The following FER1L6 variants were observed in gnomAD, a reference collection of about 807,000 sequenced individuals.
The protein encoded by FER1L6 is fer-1-like protein 6.
Under a neutral mutation model 219.2 loss-of-function variants are expected in FER1L6, and 177 were observed. That is an observed-to-expected ratio of 0.81 (90% CI 0.71 to 0.91). The LOEUF (loss-of-function observed/expected upper bound fraction) is 0.91. Among genes scored for constraint, FER1L6 ranks in the 40% least tolerant of loss-of-function variants. The pLI is 0.00. For missense variants in FER1L6, 2,153 were observed against 2,259.9 expected, an observed-to-expected ratio of 0.95 and a Z score of 0.96; for synonymous variants, 768 against 824.3, an observed-to-expected ratio of 0.93 and a Z score of 1.17.
intron 18 of FER1L6, among the ~76,000 whole-genome samples, chr8:124,025,967 A>G (rs1382077895): frequency 1.3e-5 from 2 of 152,212 alleles, no homozygotes; most frequent in Non-Finnish European, 2.9e-5. Context: ...AAATTAGAAG[A>G]AGGACAGAAC....
In FER1L6 at chr8:123,907,344, A is replaced by G. The variant is rs114932267; in HGVS notation, c.-7-48648A>G. Among the ~76,000 whole-genome samples, 1,042 of 152,228 alleles carry G rather than the reference A, an allele frequency of 6.8e-3. 10 individuals are homozygous for G. The highest frequency in any genetic ancestry group is 0.024 in the African/African-American group (987 of 41,554). ...GGGGCTATGACTTCATTCCATCAAC[A>G]GATCACACGGTCATAGCTGCTGCTA... On this transcript the variant is annotated intron_variant, in intron 1 of 40. Coordinates refer to ENST00000522917, the MANE Select transcript of FER1L6 (RefSeq NM_001039112.2).
intron 1 of FER1L6, among the ~76,000 whole-genome samples, chr8:123,857,346 A>G (rs1017479808): frequency 4.6e-5 from 7 of 152,100 alleles, no homozygotes; most frequent in African/African-American, 1.7e-4. Context: ...TATCTACAAA[A>G]AAATTTTTTA....
At chr8:124,114,895 G>GTATATATATATATATATA (rs71289637) in intron 39 of FER1L6, among the ~76,000 whole-genome samples, 1 of 90,050 alleles carries the variant, frequency 1.1e-5, no homozygotes, top group Non-Finnish European at 2.3e-5. Context: ...GTGTGTGTGC[G>GTATATATATATATATATA]TATATATATA....
chr8:123,885,045 G>A (rs1295172716), intron 1 of FER1L6, among the ~76,000 whole-genome samples: 1 of 152,216 alleles, frequency 6.6e-6, no homozygotes, highest in Non-Finnish European at 1.5e-5. Context: ...GATGGAGGCA[G>A]AGACTGGAGT....
At chr8:123,905,472 G>A (rs531018336) in intron 1 of FER1L6, among the ~76,000 whole-genome samples, 1 of 152,078 alleles carries the variant, frequency 6.6e-6, no homozygotes, top group East Asian at 1.9e-4. Context: ...TCTTTATCCA[G>A]TTTATCATTG....
In FER1L6 at chr8:123,876,325, CT is replaced by C. The variant is rs1182104465; in HGVS notation, c.-8+24152del. Among the ~76,000 whole-genome samples, 1,115 of 146,228 alleles carry C rather than the reference CT, an allele frequency of 7.6e-3. 11 individuals carry two copies. The highest frequency in any genetic ancestry group is 0.012 in the South Asian group (55 of 4,620). On this transcript the variant is annotated intron_variant, in intron 1 of 40. Transcript: ENST00000522917. ...TTCACTCAGATCTATTTAAATGTCA[CT>C]TTTTTTTTTTTGAGATGAGTCTTGT...
Position 123,966,306 on chromosome 8 carries a change from C to A in FER1L6, c.384+16C>A. ...TTATAATGAAGTAAGTCATGGAGGT[C>A]ACCCACAGCTTTTGCACTAAGATTC... On this transcript the variant is annotated intron_variant, in intron 5 of 40. Transcript: ENST00000522917. 1 of 1,613,628 alleles carries A rather than the reference C, an allele frequency of 6.2e-7. No individual in the cohort carries two copies. Among genetic ancestry groups the A allele is most frequent in the Non-Finnish European group, 8.5e-7 (1 of 1,179,742 alleles).
chr8:124,118,051 T>C (rs1386657631), intron 39 of FER1L6, among the ~76,000 whole-genome samples: 3 of 152,082 alleles, frequency 2.0e-5, no homozygotes, highest in African/African-American at 7.2e-5. Context: ...TCACCAAGAA[T>C]AGGAGCTCCA....
chr8:124,042,051 G>C (rs1211111744), intron 20 of FER1L6, among the ~76,000 whole-genome samples: 1 of 152,160 alleles, frequency 6.6e-6, no homozygotes, highest in African/African-American at 2.4e-5. Flanking sequence ...TACAGCAAGG[G>C]AGTTCTCATA....
At chr8:123,997,272 C>A (rs1019933114) in intron 12 of FER1L6, among the ~76,000 whole-genome samples, 2 of 152,050 alleles carry the variant, frequency 1.3e-5, no homozygotes, top group Non-Finnish European at 2.9e-5. Context: ...AATATTTTTG[C>A]TAAATATACT....
rs1406976838 is a variant in FER1L6 at position 123,986,987 on chromosome 8, A to G, written c.1519+811A>G. On this transcript the variant is annotated intron_variant, in intron 12 of 40. Transcript: ENST00000522917. ...AGTGCTGTAACAGACATAGGAGTGCAGACATCTCTTCGATATACTGACTTC... is the reference window on the plus strand; with the variant it reads ...AGTGCTGTAACAGACATAGGAGTGCGGACATCTCTTCGATATACTGACTTC... Among the ~76,000 whole-genome samples the G allele has an allele frequency of 1.3e-4, 20 of 152,240 alleles. 1 individual carries two copies. The highest frequency in any genetic ancestry group is 1.3e-3 in the Admixed American group (20 of 15,286).
chr8:123,991,573 G>A (rs1243811153), intron 12 of FER1L6, among the ~76,000 whole-genome samples: 1 of 152,012 alleles, frequency 6.6e-6, no homozygotes, highest in Non-Finnish European at 1.5e-5. Flanking sequence ...AGATTTTGAT[G>A]AATTTGTTTA....
At chr8:123,900,257 A>C (rs1310622641) in intron 1 of FER1L6, among the ~76,000 whole-genome samples, 1 of 152,000 alleles carries the variant, frequency 6.6e-6, no homozygotes, top group African/African-American at 2.4e-5. Context: ...ATTTGCAGCT[A>C]TTCTAAAAGG....
At chr8:124,032,820 C>T (rs1586616118) in intron 18 of FER1L6, among the ~76,000 whole-genome samples, 1 of 152,238 alleles carries the variant, frequency 6.6e-6, no homozygotes, top group Non-Finnish European at 1.5e-5. Flanking sequence ...ATGTAGCACA[C>T]TAAGTTAAGA....
chr8:123,865,368 C>T (rs1273971169), intron 1 of FER1L6, among the ~76,000 whole-genome samples: 1 of 149,932 alleles, frequency 6.7e-6, no homozygotes, highest in Non-Finnish European at 1.5e-5. Flanking sequence ...GCTGGGAGAA[C>T]CACTGCTCTC....
chr8:124,057,194 C>A (rs988293941), intron 22 of FER1L6, among the ~76,000 whole-genome samples: 1 of 152,196 alleles, frequency 6.6e-6, no homozygotes, highest in Non-Finnish European at 1.5e-5. Context: ...CACTATTTGA[C>A]GCTGTGCCCA....
intron 1 of FER1L6, among the ~76,000 whole-genome samples, chr8:123,928,487 G>A (rs748192950): frequency 2.6e-5 from 4 of 152,134 alleles, no homozygotes; most frequent in Non-Finnish European, 5.9e-5. Flanking sequence ...TTTTCTTAGG[G>A]GAGTAGCAGA....
intron 1 of FER1L6, among the ~76,000 whole-genome samples, chr8:123,931,683 C>G (rs1343420010): frequency 1.3e-5 from 2 of 152,164 alleles, no homozygotes; most frequent in Non-Finnish European, 2.9e-5. Flanking sequence ...TCTTCCATCC[C>G]CAATTTCTCT....
At chr8:123,857,179 T>G (rs79046331) in intron 1 of FER1L6, among the ~76,000 whole-genome samples, 19,359 of 152,172 alleles carry the variant, frequency 0.13, 1,248 homozygotes, top group Middle Eastern at 0.18. Flanking sequence ...ATTAGAATGT[T>G]TTGTTTTGGT....
Sources: gnomAD v4.1 joint callset for allele counts (sites outside exome capture counted in the v4.1 genomes callset) on GRCh38, gnomAD v4.1.1 for gene constraint, MANE v1.5 for transcripts, NCBI Gene and HGNC (gene_info 2026-07-23, HGNC 2026-07-21) for gene names.